RD3: variants seen among roughly 807,000 people sequenced by gnomAD.
RD3 encodes the protein RD3 regulator of GUCY2D.
In RD3, 11 loss-of-function variants were observed where a neutral mutation model predicts 16.9. That is an observed-to-expected ratio of 0.65 (90% confidence interval 0.41 to 1.08). RD3 has a LOEUF of 1.08. RD3 is among the 50% of genes least tolerant of loss of function. RD3 has a pLI of 0.00. For missense variants in RD3, 274 were observed against 267.4 expected, an observed-to-expected ratio of 1.02 and a Z score of -0.17; for synonymous variants, 116 against 114.8, an observed-to-expected ratio of 1.01 and a Z score of -0.07.
At chr1:211,488,608 T>A (rs1214183746) in intron 1 of RD3, among the ~76,000 whole-genome samples, 1 of 150,018 alleles carries the variant, frequency 6.7e-6, no homozygotes, top group Non-Finnish European at 1.5e-5. Context: ...CCAAATGCAA[T>A]GATGACACAA....
chr1:211,481,256 C>T lies in RD3; in HGVS notation c.160G>A (p.Val54Ile), dbSNP rs752946135. The T allele has an allele frequency of 6.2e-7, 1 of 1,614,266 alleles. No homozygotes were observed. The highest frequency in any genetic ancestry group is 8.5e-7 in the Non-Finnish European group (1 of 1,180,056). ...CAGCTGTAGTCCACACCGGTGCAGACCTTTCTGACCGCATTGCTGCGCTCC... is the reference window on the plus strand; with the variant it reads ...CAGCTGTAGTCCACACCGGTGCAGATCTTTCTGACCGCATTGCTGCGCTCC... Reference protein sequence around the residue: ...QRERSNAVRKVCTGVDYSWLA... With the variant: ...QRERSNAVRKICTGVDYSWLA... Residue 54 changes from valine (V) to isoleucine (I), a missense_variant, in exon 2 of 3, where the codon GTC (valine) becomes ATC (isoleucine). Val to Ile is a conservative substitution (Grantham distance 29). Transcript: ENST00000680073.
intron 1 of RD3, among the ~76,000 whole-genome samples, chr1:211,487,658 T>A (rs998332717): frequency 6.6e-6 from 1 of 152,224 alleles, no homozygotes; most frequent in Non-Finnish European, 1.5e-5. Flanking sequence ...GCCTGCGTTG[T>A]TCCTCGGGAC....
chr1:211,489,276 C>T (rs908992282), intron 1 of RD3, among the ~76,000 whole-genome samples: 3 of 152,252 alleles, frequency 2.0e-5, no homozygotes, highest in Admixed American at 2.0e-4. Context: ...GATTTATGAA[C>T]TTGGGTGGGG....
chr1:211,486,512 T>A (rs1484339822), intron 1 of RD3, among the ~76,000 whole-genome samples: 1 of 141,986 alleles, frequency 7.0e-6, no homozygotes, highest in African/African-American at 2.6e-5. Context: ...CAAAAAAAAA[T>A]TAGGATAACT....
chr1:211,482,661 G>A (rs1705299368), intron 1 of RD3, among the ~76,000 whole-genome samples: 1 of 151,916 alleles, frequency 6.6e-6, no homozygotes, highest in Non-Finnish European at 1.5e-5. Flanking sequence ...CAAATTTAGT[G>A]AAGGACAGAC....
In RD3 at chr1:211,478,874, G is replaced by A; in HGVS notation, c.*162C>T. On this transcript the variant is annotated 3_prime_UTR_variant, in exon 3 of 3. Coordinates refer to ENST00000680073, the MANE Select transcript of RD3 (RefSeq NM_001164688.2). ...TTTGTGGCCAGAGGAAGAGGATGGGGCAGGGAGTCGCTTCATTTTATAGCA... is the reference window on the plus strand; with the variant it reads ...TTTGTGGCCAGAGGAAGAGGATGGGACAGGGAGTCGCTTCATTTTATAGCA... The A allele has an allele frequency of 1.5e-6, 1 of 654,950 alleles. No homozygotes were observed. The highest frequency in any genetic ancestry group is 2.8e-5 in the East Asian group (1 of 35,900). The allele number at this position is 654,950 out of a possible 1,614,324, so 40.6% of individuals were successfully genotyped here. A position where few individuals can be genotyped will look rare whatever the true frequency, so the allele number is the denominator to read the frequency against.
chr1:211,481,108 C>T lies in RD3; in HGVS notation c.296+12G>A. On this transcript the variant is annotated intron_variant, in intron 2 of 2. Transcript: ENST00000680073. ...CCTGCAGCCCAGCAAGGGTCCCCAT[C>T]CCAGTGCTCACCTGAGGATAGCAGG... The T allele has an allele frequency of 6.2e-7, 1 of 1,613,846 alleles. No homozygotes were observed. The highest frequency in any genetic ancestry group is 8.5e-7 in the Non-Finnish European group (1 of 1,179,786).
At chr1:211,491,213 A>G (rs1041022839) in intron 1 of RD3, among the ~76,000 whole-genome samples, 1 of 152,156 alleles carries the variant, frequency 6.6e-6, no homozygotes, top group Non-Finnish European at 1.5e-5. Context: ...TCTCCTGGGC[A>G]TGTTATCAGG....
chr1:211,477,886 G>T lies in RD3; in HGVS notation c.*1150C>A, dbSNP rs1705176848. The T allele has an allele frequency of 2.6e-6, 1 of 387,494 alleles. No individual in the cohort carries two copies. The highest frequency in any genetic ancestry group is 4.5e-5 in the Admixed American group (1 of 22,352). 24.0% of individuals were successfully genotyped at this position (387,494 alleles called of 1,614,324 possible). A position where few individuals can be genotyped will look rare whatever the true frequency, so the allele number is the denominator to read the frequency against. ...CTTCAACCCCAGAGTGTGTGGGAAG[G>T]CCTCCTGGCCTTCCAGATTTTCCAT... On this transcript the variant is annotated 3_prime_UTR_variant, in exon 3 of 3. Coordinates refer to ENST00000680073, the MANE Select transcript of RD3 (RefSeq NM_001164688.2).
intron 2 of RD3, among the ~76,000 whole-genome samples, chr1:211,479,992 G>A (rs1249505576): frequency 6.6e-6 from 1 of 152,186 alleles, no homozygotes; most frequent in Non-Finnish European, 1.5e-5. Context: ...TCCTCCACCA[G>A]ATTGAGAGTC....
chr1:211,489,966 T>C (rs1275364386), intron 1 of RD3, among the ~76,000 whole-genome samples: 1 of 152,206 alleles, frequency 6.6e-6, no homozygotes, highest in Non-Finnish European at 1.5e-5. Context: ...CTTTCCTTTC[T>C]CCTTCATTAC....
Position 211,477,918 on chromosome 1 carries a change from T to G in RD3, c.*1118A>C, listed in dbSNP as rs1360286539. 1 of 392,866 alleles carries G rather than the reference T, an allele frequency of 2.5e-6. No homozygotes were observed. Among genetic ancestry groups the G allele is most frequent in the Admixed American group, 4.4e-5 (1 of 22,554 alleles). 24.3% of individuals were successfully genotyped at this position (392,866 alleles called of 1,614,324 possible). On this transcript the variant is annotated 3_prime_UTR_variant, in exon 3 of 3. Coordinates refer to ENST00000680073, the MANE Select transcript of RD3 (RefSeq NM_001164688.2). ...GGCCTTCCAGATTTTCCATGGGTGA[T>G]CCACACATTGGGTAATCCACATGCC...
Position 211,478,895 on chromosome 1 carries a change from T to G in RD3, c.*141A>C. 1 of 729,372 alleles carries G rather than the reference T, an allele frequency of 1.4e-6. No individual in the cohort carries two copies. Among genetic ancestry groups the G allele is most frequent in the East Asian group, 2.7e-5 (1 of 36,388 alleles). The allele number at this position is 729,372 out of a possible 1,614,324, so 45.2% of individuals were successfully genotyped here. A position where few individuals can be genotyped will look rare whatever the true frequency, so the allele number is the denominator to read the frequency against. On this transcript the variant is annotated 3_prime_UTR_variant, in exon 3 of 3. Transcript: ENST00000680073. Reference sequence around the variant, plus strand: ...TGGGGCAGGGAGTCGCTTCATTTTATAGCAGCGTCTTGGGATGGGGCCGCC... The same window carrying G: ...TGGGGCAGGGAGTCGCTTCATTTTAGAGCAGCGTCTTGGGATGGGGCCGCC...
chr1:211,479,064 G>T lies in RD3; in HGVS notation c.560C>A (p.Pro187His), dbSNP rs1268167803. 1.9e-6 allele frequency: 3 copies of T among 1,605,132 alleles called. No homozygotes were observed. Among genetic ancestry groups the T allele is most frequent in the Admixed American group, 1.7e-5 (1 of 59,836 alleles). Residue 187 changes from proline to histidine, a missense_variant, in exon 3 of 3, where the codon CCC (proline) becomes CAC (histidine). Pro to His is a moderately conservative substitution (Grantham distance 77). Coordinates refer to ENST00000680073, the MANE Select transcript of RD3 (RefSeq NM_001164688.2). ...GTCGGCTTTGGGCGCCCGGAATTCG[G>T]GCATGCTCCAGGACCGCAGTGGCGG... is the stretch of plus-strand genomic sequence containing the variant. ...TPPPLRSWSM[P>H]EFRAPKAD
rs1558179652 is a variant in RD3, at chr1:211,481,193, G to A, written c.223C>T (p.Pro75Ser). The A allele has an allele frequency of 6.2e-7, 1 of 1,614,256 alleles. No individual in the cohort carries two copies. The highest frequency in any genetic ancestry group is 1.7e-5 in the Admixed American group (1 of 60,032). ...STPRSTYDLSPIERLQLEDVC... is the reference protein window; with the variant it reads ...STPRSTYDLSSIERLQLEDVC... ...TCTTCCAGCTGCAACCGCTCAATGG[G>A]GCTGAGGTCATAGGTGGACCGGGGT... The change falls in exon 2 of 3, where the codon CCC (proline) becomes TCC (serine). Residue 75 changes from proline to serine, a missense_variant. Transcript: ENST00000680073.
At chr1:211,479,453 G>C (rs1705218961) in intron 2 of RD3, 126 bp from the exon 3 acceptor site, 3 of 844,464 alleles carry the variant, frequency 3.6e-6, no homozygotes. Flanking sequence ...CTCTGCTCCT[G>C]AAGCGAATCA....
rs549913530 is a variant in RD3 at position 211,488,701 on chromosome 1, T to C, written c.-12+3067A>G. Among the ~76,000 whole-genome samples the C allele has an allele frequency of 3.3e-5, 5 of 152,252 alleles. No homozygotes were observed. The South Asian group carries it at 1.0e-3, about 32-fold the overall frequency. ...AGACCCCTATCCATCTTGGGGTCCT[T>C]AGTAAGAATCTTTGGGCTGCGTTTC... is the stretch of plus-strand genomic sequence containing the variant. On this transcript the variant is annotated intron_variant, in intron 1 of 2. Transcript: ENST00000680073.
Position 211,479,100 on chromosome 1 carries a change from C to G in RD3, c.524G>C (p.Arg175Pro), listed in dbSNP as rs1240670572. The change falls in exon 3 of 3, where the codon CGG (arginine) becomes CCG (proline). Residue 175 changes from arginine (R) to proline (P), a missense_variant. Arg to Pro is a moderately radical substitution (Grantham distance 103). Transcript: ENST00000680073. Reference protein sequence around the residue: ...DIRTISEDVERDTPPPLRSWS... With the variant: ...DIRTISEDVEPDTPPPLRSWS... ...GGACCGCAGTGGCGGCGGTGTGTCC[C>G]GCTCCACGTCCTCGGAGATGGTCCT... 3 of 1,611,198 alleles carry G rather than the reference C, an allele frequency of 1.9e-6. No individual in the cohort carries two copies. Among genetic ancestry groups the G allele is most frequent in the Non-Finnish European group, 1.7e-6 (2 of 1,179,474 alleles).
At chr1:211,480,639 T>C (rs1475274278) in intron 2 of RD3, among the ~76,000 whole-genome samples, 3 of 130,458 alleles carry the variant, frequency 2.3e-5, no homozygotes, top group African/African-American at 9.4e-5. Flanking sequence ...AGGGTTTTGT[T>C]TGAACCCTTC....
Sources: allele counts gnomAD v4.1 joint callset (sites outside exome capture counted in the v4.1 genomes callset), GRCh38; gene constraint gnomAD v4.1.1; transcripts MANE v1.5; gene names NCBI Gene and HGNC (gene_info 2026-07-23, HGNC 2026-07-21).